WWOX: variants seen among roughly 807,000 people sequenced by gnomAD.
WWOX encodes WW domain containing oxidoreductase.
In WWOX, 69 loss-of-function variants were observed where a neutral mutation model predicts 46.2. The ratio of observed to expected loss-of-function variants is 1.49; its 90% CI spans 1.23 to 1.82. The LOEUF is 1.82. Among genes scored for constraint, WWOX ranks in the 40% most tolerant of loss-of-function variants. The pLI, the probability that WWOX is intolerant of heterozygous loss-of-function variation, is 0.00. For synonymous variants in WWOX, 359 were observed against 202.6 expected (o/e 1.77, Z -6.56); for missense variants, 919 against 542.6 (o/e 1.69, Z -6.89).
chr16:78,846,469 G>C (rs1043075327), intron 8 of WWOX, among the ~76,000 whole-genome samples: 2 of 151,902 alleles, frequency 1.3e-5, no homozygotes, highest in Non-Finnish European at 2.9e-5. Context: ...AAGAGTTCCG[G>C]TCAGTTATTT....
At chr16:78,882,248 T>C (rs549746078) in intron 8 of WWOX, among the ~76,000 whole-genome samples, 1 of 152,360 alleles carries the variant, frequency 6.6e-6, no homozygotes, top group African/African-American at 2.4e-5. Context: ...GTTATAGTTT[T>C]CAAAGTCTTT....
chr16:78,293,978 GAAAAAAAAAAAAAAA>G lies in WWOX; in HGVS notation c.517-92864_517-92850del, dbSNP rs35079271. Among the ~76,000 whole-genome samples, 5 of 30,324 alleles carry G rather than the reference GAAAAAAAAAAAAAAA, an allele frequency of 1.6e-4. No homozygotes were observed. In the East Asian group the frequency reaches 2.9e-3, roughly 18 times the overall value. The allele number at this position is 30,324 out of a possible 152,430, so 19.9% of individuals were successfully genotyped here. On this transcript the variant is annotated intron_variant, in intron 5 of 8. Transcript: ENST00000566780. ...GGCGACAGAGTGAGACTCTGTCTCA[GAAAAAAAAAAAAAAA>G]AAAAAAAAAAAAAAAAAGGCTTTCC...
intron 8 of WWOX, among the ~76,000 whole-genome samples, chr16:78,565,773 C>T (rs951466740): frequency 7.2e-5 from 11 of 152,172 alleles, no homozygotes; most frequent in Admixed American, 2.0e-4. Flanking sequence ...TCCAGGCTAT[C>T]CGCGGAAGTA....
At chr16:78,683,681 C>T (rs1210396325) in intron 8 of WWOX, among the ~76,000 whole-genome samples, 1 of 152,128 alleles carries the variant, frequency 6.6e-6, no homozygotes, top group African/African-American at 2.4e-5. Flanking sequence ...GGATTACAGG[C>T]ACGAGCTGCC....
chr16:78,635,098 C>T (rs992230536), intron 8 of WWOX, among the ~76,000 whole-genome samples: 13 of 152,104 alleles, frequency 8.5e-5, no homozygotes, highest in East Asian at 1.9e-4. Flanking sequence ...AATGTGATTA[C>T]GCCAGGAAGT....
rs373447966 is a variant in WWOX at position 78,183,191 on chromosome 16, GT to G, written c.516+18903del. ...GCGAGACGTTGTCCTTGCCCTAAGT[GT>G]GGAGACAGACACGTAAATTAATAGT... On this transcript the variant is annotated intron_variant, in intron 5 of 8. Coordinates refer to ENST00000566780, the MANE Select transcript of WWOX (RefSeq NM_016373.4). Among the ~76,000 whole-genome samples the G allele has an allele frequency of 5.8e-3, 883 of 152,210 alleles. 6 individuals are homozygous for G. The highest frequency in any genetic ancestry group is 0.02 in the African/African-American group (845 of 41,532).
At chr16:78,414,575 A>G (rs1422126486) in intron 6 of WWOX, among the ~76,000 whole-genome samples, 1 of 152,204 alleles carries the variant, frequency 6.6e-6, no homozygotes, top group Non-Finnish European at 1.5e-5. Context: ...AAAACAAACA[A>G]ACAAACAAAA....
chr16:78,591,480 C>T (rs1167877715), intron 8 of WWOX, among the ~76,000 whole-genome samples: 1 of 152,216 alleles, frequency 6.6e-6, no homozygotes, highest in African/African-American at 2.4e-5. Context: ...TCTCATGTAT[C>T]TCTATTACAT....
chr16:78,774,235 T>C (rs1195320910), intron 8 of WWOX, among the ~76,000 whole-genome samples: 4 of 152,144 alleles, frequency 2.6e-5, no homozygotes, highest in African/African-American at 7.2e-5. Flanking sequence ...ACCCTGTCTC[T>C]ACTCAAAATA....
chr16:79,076,585 C>G (rs1370781356), intron 8 of WWOX, among the ~76,000 whole-genome samples: 1 of 152,174 alleles, frequency 6.6e-6, no homozygotes, highest in Non-Finnish European at 1.5e-5. Context: ...CTCAGCCTAT[C>G]CAGGCCCCTT....
At chr16:78,310,364 CTA>C (rs756335093) in intron 5 of WWOX, among the ~76,000 whole-genome samples, 5 of 152,220 alleles carry the variant, frequency 3.3e-5, no homozygotes, top group Non-Finnish European at 7.3e-5. Flanking sequence ...ACAGCCTGCA[CTA>C]TGTTTGTTGA....
In WWOX at chr16:78,108,221, C is replaced by T. The variant is rs139402263; in HGVS notation, c.108-202C>T. 2.2e-3 allele frequency among the ~76,000 whole-genome samples: 329 copies of T among 150,626 alleles called. 1 individual carries two copies. The highest frequency in any genetic ancestry group is 7.5e-3 in the African/African-American group (307 of 40,964). On this transcript the variant is annotated intron_variant, in intron 1 of 8. Transcript: ENST00000566780. ...GATTACAGGTGTGAGCCACCGCTCC[C>T]GACGGCCTCTAGATATTTTGAGTGA...
intron 5 of WWOX, among the ~76,000 whole-genome samples, chr16:78,228,066 G>C (rs1344792493): frequency 6.6e-6 from 1 of 151,890 alleles, no homozygotes; most frequent in South Asian, 2.1e-4. Flanking sequence ...CCTGCCCAGG[G>C]CTATGGGGAG....
rs1289441863 is a variant in WWOX, at chr16:78,992,947, C to A, written c.1057-218661C>A. Among the ~76,000 whole-genome samples, 6 of 16,312 alleles carry A rather than the reference C, an allele frequency of 3.7e-4. No individual in the cohort carries two copies. In the East Asian group the frequency reaches 0.011, roughly 31 times the overall value. 10.7% of individuals were successfully genotyped at this position (16,312 alleles called of 152,430 possible). A position where few individuals can be genotyped will look rare whatever the true frequency, so the allele number is the denominator to read the frequency against. On this transcript the variant is annotated intron_variant, in intron 8 of 8. Coordinates refer to ENST00000566780, the MANE Select transcript of WWOX (RefSeq NM_016373.4). ...ATAATTTTTGCCTCCATTAGAGTCT[C>A]ATCTTTAAAAAAAAAATTATTCAGT...
intron 5 of WWOX, among the ~76,000 whole-genome samples, chr16:78,235,310 G>C (rs1014989450): frequency 1.3e-5 from 2 of 152,114 alleles, no homozygotes; most frequent in Non-Finnish European, 2.9e-5. Flanking sequence ...GAGAGGATGT[G>C]TCACTTTGCC....
chr16:78,402,347 G>A (rs540102662), intron 6 of WWOX, among the ~76,000 whole-genome samples: 114 of 152,212 alleles, frequency 7.5e-4, no homozygotes, highest in African/African-American at 2.7e-3. Flanking sequence ...ATTCCATTAT[G>A]TAGATGTGCC....
intron 8 of WWOX, among the ~76,000 whole-genome samples, chr16:78,433,011 G>C (rs776831626): frequency 1.2e-4 from 16 of 138,994 alleles, no homozygotes; most frequent in Non-Finnish European, 1.9e-4. Flanking sequence ...TATGGAAATG[G>C]TGATTTTTTT....
chr16:78,676,406 T>G (rs1446858035), intron 8 of WWOX, among the ~76,000 whole-genome samples: 1 of 125,696 alleles, frequency 8.0e-6, no homozygotes, highest in African/African-American at 5.4e-5. Flanking sequence ...ATTTACTATT[T>G]TTTTTTTTTT....
At chr16:78,428,304 A>C (rs2083134660) in intron 7 of WWOX, among the ~76,000 whole-genome samples, 1 of 152,238 alleles carries the variant, frequency 6.6e-6, no homozygotes, top group African/African-American at 2.4e-5. Flanking sequence ...TCTGGAGCTG[A>C]GAGGTGAACA....
Sources: gnomAD v4.1 joint callset for allele counts (sites outside exome capture counted in the v4.1 genomes callset) on GRCh38, gnomAD v4.1.1 for gene constraint, MANE v1.5 for transcripts, NCBI Gene and HGNC (gene_info 2026-07-23, HGNC 2026-07-21) for gene names.